TLE6: variants seen among roughly 807,000 people sequenced by gnomAD.
TLE6 encodes TLE family member 6, subcortical maternal complex member.
A neutral mutation model predicts 77.1 loss-of-function variants in TLE6; 72 were observed. The observed-to-expected ratio is 0.93, with a 90% CI of 0.77 to 1.14. The LOEUF is 1.14. Ranked by LOEUF, TLE6 falls within the 50% of genes most tolerant of loss-of-function variation. TLE6 has a pLI of 0.00. For missense variants in TLE6, 843 were observed against 747.6 expected, an observed-to-expected ratio of 1.13 and a Z score of -1.49; for synonymous variants, 366 against 287.3, an observed-to-expected ratio of 1.27 and a Z score of -2.77.
At chr19:2,989,922 C>A in intron 13 of TLE6, 137 bp downstream of exon 13, 1 of 1,193,084 alleles carries the variant, frequency 8.4e-7, no homozygotes, top group Non-Finnish European at 1.2e-6. Flanking sequence ...CCAGCCAAAA[C>A]CCCTTGCCCC....
chr19:2,994,229 A>C, intron 16 of TLE6, 134 bp downstream of exon 16: 1 of 697,104 alleles, frequency 1.4e-6, no homozygotes, highest in South Asian at 1.9e-5. Flanking sequence ...TAATCCCAGC[A>C]TTTTGGGAGG....
Position 2,991,978 on chromosome 19 carries a change from G to A in TLE6, c.1380G>A (p.Lys460=). 6.2e-7 allele frequency: 1 copy of A among 1,613,622 alleles called. No individual in the cohort carries two copies. The highest frequency in any genetic ancestry group is 8.5e-7 in the Non-Finnish European group (1 of 1,179,900). ...TGAAACCTCTGGAGTACCAATTCAA[G>A]TCTCAGGTGCGGAGGCCGGGATGGG... ...TIMKPLEYQF[K]SQIMSLSHSP... Residue 460 remains lysine, a synonymous_variant, in exon 14 of 17, where the codon AAG becomes AAA. Transcript: ENST00000246112.
At chr19:2,978,553 C>T (rs2088727107) in intron 2 of TLE6, among the ~76,000 whole-genome samples, 1 of 152,100 alleles carries the variant, frequency 6.6e-6, no homozygotes, top group Admixed American at 6.6e-5. Context: ...AGTTTGAAAC[C>T]AGCCTGGACA....
At chr19:2,985,399 C>A (rs1401335356) in intron 5 of TLE6, among the ~76,000 whole-genome samples, 1 of 89,988 alleles carries the variant, frequency 1.1e-5, no homozygotes, top group Non-Finnish European at 2.1e-5. Flanking sequence ...TGCTTGAAGC[C>A]TTTTTTTTTT....
chr19:2,983,117 T>A (rs762956093), intron 5 of TLE6, among the ~76,000 whole-genome samples: 12 of 152,140 alleles, frequency 7.9e-5, no homozygotes, highest in Non-Finnish European at 1.6e-4. Flanking sequence ...CCCAGGGCCG[T>A]GTCTGCAACT....
chr19:2,979,498 C>T (rs970622779), intron 2 of TLE6, among the ~76,000 whole-genome samples: 3 of 151,858 alleles, frequency 2.0e-5, no homozygotes, highest in South Asian at 2.1e-4. Context: ...CTGCTCACCT[C>T]GGCCTCCCAA....
intron 13 of TLE6, 26 bp from the exon 14 acceptor site, chr19:2,991,817 T>G: frequency 6.2e-7 from 1 of 1,612,054 alleles, no homozygotes; most frequent in Non-Finnish European, 8.5e-7. Flanking sequence ...TTGACCTGAT[T>G]GCCTCCCGAT....
At chr19:2,991,797 C>T (rs962768101) in intron 13 of TLE6, 46 bp from the exon 14 acceptor site, 6 of 1,600,734 alleles carry the variant, frequency 3.7e-6, no homozygotes, top group Non-Finnish European at 5.1e-6. Context: ...GGGGCCCAAA[C>T]CTCAGAGTCT....
Position 2,979,765 on chromosome 19 carries a change from C to T in TLE6, c.52-335C>T, listed in dbSNP as rs574390613. On this transcript the variant is annotated intron_variant, in intron 2 of 16. Transcript: ENST00000246112. Reference sequence around the variant, plus strand: ...ACCAGCCTGGCCAAGATGGTGAAACCCCATCTCTACTAAAAATACAAAAAT... The same window carrying T: ...ACCAGCCTGGCCAAGATGGTGAAACTCCATCTCTACTAAAAATACAAAAAT... Among the ~76,000 whole-genome samples, 637 of 149,574 alleles carry T rather than the reference C, an allele frequency of 4.3e-3. 5 individuals are homozygous for T. The highest frequency in any genetic ancestry group is 0.024 in the Middle Eastern group (7 of 292).
chr19:2,991,751 C>A, intron 13 of TLE6, 92 bp from the exon 14 acceptor site: 2 of 1,298,774 alleles, frequency 1.5e-6, no homozygotes, highest in Middle Eastern at 1.9e-4. Context: ...GTGGCACTGT[C>A]CCTTTCATGC....
intron 2 of TLE6, 134 bp from the exon 3 acceptor site, chr19:2,979,966 A>G (rs1445611547): frequency 5.5e-6 from 2 of 362,268 alleles, no homozygotes; most frequent in East Asian, 7.6e-5. Flanking sequence ...TCGGTTTCCA[A>G]AAAAAAAAAA....
chr19:2,994,664 T>C (rs571669184), intron 16 of TLE6, among the ~76,000 whole-genome samples: 2 of 151,226 alleles, frequency 1.3e-5, no homozygotes, highest in Admixed American at 1.3e-4. Context: ...ATTAGCTGAG[T>C]GTGGTGGTGC....
chr19:2,994,490 G>C (rs1050162851), intron 16 of TLE6, among the ~76,000 whole-genome samples: 9 of 151,862 alleles, frequency 5.9e-5, no homozygotes, highest in Non-Finnish European at 1.2e-4. Context: ...GGCGCCTGTA[G>C]TCCCAGCTAC....
intron 3 of TLE6, chr19:2,980,471 C>T (rs941143202): frequency 3.5e-5 from 9 of 253,706 alleles, no homozygotes; most frequent in East Asian, 1.1e-4. Context: ...TATGGTGGCT[C>T]GCACCTGTAA....
chr19:2,985,069 G>A (rs1332938574), intron 5 of TLE6, among the ~76,000 whole-genome samples: 6 of 151,820 alleles, frequency 4.0e-5, no homozygotes, highest in Non-Finnish European at 8.8e-5. Flanking sequence ...TGGCCAACAT[G>A]GAGAAACCCC....
At chr19:2,979,546 C>T (rs2088752583) in intron 2 of TLE6, among the ~76,000 whole-genome samples, 1 of 152,016 alleles carries the variant, frequency 6.6e-6, no homozygotes, top group African/African-American at 2.4e-5. Flanking sequence ...CTTGCCCGGA[C>T]TTTTATTTTT....
chr19:2,989,176 G>A lies in TLE6; in HGVS notation c.856G>A (p.Gly286Arg), dbSNP rs767644574. Residue 286 changes from glycine (G) to arginine (R), a missense_variant, in exon 12 of 17, where the codon GGG (glycine) becomes AGG (arginine). By Grantham distance (125) the Gly-to-Arg change is moderately radical. Transcript: ENST00000246112. ...KLEKMRILAH[G>R]ELVLATAISS... is the part of the protein sequence containing the mutation. ...GGAAAAGATGCGGATCTTGGCACAC[G>A]GGGAGCTCGTGCTCGCCACGGCCAT... 2.9e-5 allele frequency: 47 copies of A among 1,614,026 alleles called. No individual in the cohort carries two copies. The highest frequency in any genetic ancestry group is 2.3e-4 in the Admixed American group (14 of 60,002).
At chr19:2,986,954 C>G in intron 6 of TLE6, 29 bp from the exon 7 acceptor site, 1 of 1,567,248 alleles carries the variant, frequency 6.4e-7, no homozygotes, top group Non-Finnish European at 8.6e-7. Context: ...ATCCTCAAAG[C>G]TCTCACTGCC....
Position 2,978,244 on chromosome 19 carries a change from G to A in TLE6, c.11G>A (p.Arg4Lys), listed in dbSNP as rs1324741854. 1.3e-6 allele frequency: 2 copies of A among 1,551,362 alleles called. No homozygotes were observed. Among genetic ancestry groups the A allele is most frequent in the African/African-American group, 2.7e-5 (2 of 73,026 alleles). ...GCTACTGCCTTGAAGATGACCTCTA[G>A]GGACCAGCCCAGACCCAAGGGCCCC... MTS[R>K]DQPRPKGPPK... The change falls in exon 2 of 17, where the codon AGG becomes AAG. Residue 4 changes from arginine (R) to lysine (K), a missense_variant. Arg to Lys is a conservative substitution (Grantham distance 26, BLOSUM62 2). Coordinates refer to ENST00000246112, the MANE Select transcript of TLE6 (RefSeq NM_001143986.2).
Sources: gnomAD v4.1 joint callset for allele counts (sites outside exome capture counted in the v4.1 genomes callset) on GRCh38, gnomAD v4.1.1 for gene constraint, MANE v1.5 for transcripts, NCBI Gene and HGNC (gene_info 2026-07-23, HGNC 2026-07-21) for gene names.